Variants in LRRK1 observed in about 807,000 individuals in gnomAD.
LRRK1 encodes the protein leucine rich repeat kinase 1, also known as leucine-rich repeat serine/threonine-protein kinase 1.
In LRRK1, 113 loss-of-function variants were observed where a neutral mutation model predicts 209.1. That is an observed-to-expected ratio of 0.54 (90% confidence interval 0.46 to 0.63). The LOEUF is 0.63. Ranked by LOEUF, LRRK1 falls within the 30% of genes least tolerant of loss-of-function variation. The pLI is 0.00. For synonymous variants in LRRK1, 1,144 were observed against 1,099.7 expected (o/e 1.04, Z -0.80); for missense variants, 2,284 against 2,632.2 (o/e 0.87, Z 2.89).
rs191262405 is a variant in LRRK1, at chr15:100,942,114, A to G, written c.97+17385A>G. On this transcript the variant is annotated intron_variant, in intron 2 of 33. Coordinates refer to ENST00000388948, the MANE Select transcript of LRRK1 (RefSeq NM_024652.6). ...TGGTGGCTGCAGCCGGGCTCAGCCTACTGTCTTGATCTCATCTTCCAGCGT... is the reference window on the plus strand; with the variant it reads ...TGGTGGCTGCAGCCGGGCTCAGCCTGCTGTCTTGATCTCATCTTCCAGCGT... Among the ~76,000 whole-genome samples the G allele has an allele frequency of 1.1e-3, 167 of 152,328 alleles. 3 individuals carry two copies. Among genetic ancestry groups the G allele is most frequent in the African/African-American group, 3.9e-3 (164 of 41,580 alleles).
chr15:101,010,433 C>T lies in LRRK1; in HGVS notation c.990-17C>T. On this transcript the variant is annotated splice_polypyrimidine_tract_variant and intron_variant, in intron 7 of 33. Coordinates refer to ENST00000388948, the MANE Select transcript of LRRK1 (RefSeq NM_024652.6). ...CCTCTTTATTCTGATGCCTGCCTTC[C>T]TTCTTCTCCATCGCAGGCTACTTGA... 5 of 1,600,276 alleles carry T rather than the reference C, an allele frequency of 3.1e-6. No individual in the cohort carries two copies. Among genetic ancestry groups the T allele is most frequent in the Non-Finnish European group, 4.3e-6 (5 of 1,175,822 alleles).
chr15:101,069,645 A>G lies in LRRK1; in HGVS notation c.*797A>G, dbSNP rs1596368885. On this transcript the variant is annotated 3_prime_UTR_variant, in exon 34 of 34. Transcript: ENST00000388948. ...GTCAAGTAAATTTGGACGCAGCTGG[A>G]GCACAGGCCCTGTTTGTTTGCACAT... The G allele has an allele frequency of 6.5e-6, 1 of 152,672 alleles. No homozygotes were observed. Among genetic ancestry groups the G allele is most frequent in the Non-Finnish European group, 1.5e-5 (1 of 68,046 alleles). 9.5% of individuals were successfully genotyped at this position (152,672 alleles called of 1,614,324 possible).
chr15:100,980,799 C>T (rs1438392544), intron 3 of LRRK1, among the ~76,000 whole-genome samples: 1 of 152,156 alleles, frequency 6.6e-6, no homozygotes, highest in Non-Finnish European at 1.5e-5. Flanking sequence ...TGGCTACACA[C>T]CATAGGGCAG....
intron 3 of LRRK1, among the ~76,000 whole-genome samples, chr15:100,977,441 G>C (rs1159840483): frequency 6.6e-6 from 1 of 152,190 alleles, no homozygotes; most frequent in Non-Finnish European, 1.5e-5. Context: ...GCTGTGAGGA[G>C]CTGGGGTGCT....
At chr15:100,984,002 T>A (rs764467682) in intron 4 of LRRK1, among the ~76,000 whole-genome samples, 2 of 152,098 alleles carry the variant, frequency 1.3e-5, no homozygotes, top group Non-Finnish European at 2.9e-5. Flanking sequence ...ATGGAAAAAA[T>A]CAATTGGAAT....
intron 20 of LRRK1, among the ~76,000 whole-genome samples, chr15:101,030,888 G>A (rs2034250843): frequency 6.6e-6 from 1 of 152,078 alleles, no homozygotes; most frequent in African/African-American, 2.4e-5. Flanking sequence ...CCCTATTTGT[G>A]TCTTTTATCC....
In LRRK1 at chr15:101,075,117, G is replaced by A. The variant is rs1396827644; in HGVS notation, c.*6269G>A. The A allele has an allele frequency of 7.3e-5, 5 of 68,128 alleles. 2 individuals carry two copies. The highest frequency in any genetic ancestry group is 9.2e-4 in the South Asian group (2 of 2,168). The allele number at this position is 68,128 out of a possible 1,614,324, so 4.2% of individuals were successfully genotyped here. A position where few individuals can be genotyped will look rare whatever the true frequency, so the allele number is the denominator to read the frequency against. ...AACCCGTCCCCTTCTTAATCAATACGGAGGCTACCCACTCCACATTACCTT... is the reference window on the plus strand; with the variant it reads ...AACCCGTCCCCTTCTTAATCAATACAGAGGCTACCCACTCCACATTACCTT... On this transcript the variant is annotated 3_prime_UTR_variant, in exon 34 of 34. Coordinates refer to ENST00000388948, the MANE Select transcript of LRRK1 (RefSeq NM_024652.6).
At position 101,056,838 on chromosome 15, in the gene LRRK1, G is replaced by C. The variant is rs370959551; in HGVS notation, c.4333-18G>C. The stretch of plus-strand genomic sequence containing the variant: ...CTGGGCCCAGGCAGCGACCTGACTT[G>C]GCTTGTTCTGTGCCCAGGTAGATAT... On this transcript the variant is annotated intron_variant, in intron 27 of 33. Transcript: ENST00000388948. 27 of 1,573,470 alleles carry C rather than the reference G, an allele frequency of 1.7e-5. No homozygotes were observed. Among genetic ancestry groups the C allele is most frequent in the Non-Finnish European group, 2.3e-5 (27 of 1,157,584 alleles).
intron 2 of LRRK1, among the ~76,000 whole-genome samples, chr15:100,963,423 T>G (rs1340452644): frequency 1.3e-5 from 2 of 152,234 alleles, no homozygotes; most frequent in Non-Finnish European, 2.9e-5. Flanking sequence ...GTCACTGTCT[T>G]GGCCTTGTTC....
chr15:101,027,557 CAG>C lies in LRRK1; in HGVS notation c.2527-80_2527-79del, dbSNP rs2034092303. ...GGAAACGTCCCACCCCCTCAGGCCA[CAG>C]GGGCCGGGCAGGATCTGCCCAAGCT... On this transcript the variant is annotated intron_variant, in intron 18 of 33. Coordinates refer to ENST00000388948, the MANE Select transcript of LRRK1 (RefSeq NM_024652.6). The surrounding 1 kb of genome is among the most constrained non-coding windows in gnomAD (Gnocchi z 5.1). The C allele has an allele frequency of 1.3e-6, 2 of 1,556,640 alleles. No homozygotes were observed. Among genetic ancestry groups the C allele is most frequent in the African/African-American group, 2.7e-5 (2 of 73,774 alleles).
At chr15:101,067,247 C>G (rs1253063001) in intron 33 of LRRK1, 3 of 456,126 alleles carry the variant, frequency 6.6e-6, no homozygotes, top group African/African-American at 2.0e-5. Flanking sequence ...CAGGATTATG[C>G]CAGTCTCCTC....
intron 2 of LRRK1, among the ~76,000 whole-genome samples, chr15:100,929,800 C>T (rs1157421025): frequency 6.6e-6 from 1 of 152,228 alleles, no homozygotes; most frequent in African/African-American, 2.4e-5. Flanking sequence ...AGGAGTTCAC[C>T]AGCCCCTCCA....
At chr15:101,067,430 T>C in intron 33 of LRRK1, 1 of 107,736 alleles carries the variant, frequency 9.3e-6, no homozygotes, top group African/African-American at 6.9e-5. Flanking sequence ...AATGTGTGTG[T>C]GTGTGTGTGT....
chr15:101,037,072 T>C (rs1050184497), intron 20 of LRRK1, among the ~76,000 whole-genome samples: 4 of 152,162 alleles, frequency 2.6e-5, no homozygotes, highest in African/African-American at 9.7e-5. Context: ...GACAGGCCTA[T>C]TCTTGGGCTT....
chr15:101,062,615 C>A lies in LRRK1; in HGVS notation c.4839C>A (p.Pro1613=), dbSNP rs201344125. 3.7e-6 allele frequency: 6 copies of A among 1,614,196 alleles called. No individual in the cohort carries two copies. Among genetic ancestry groups the A allele is most frequent in the Non-Finnish European group, 4.2e-6 (5 of 1,180,014 alleles). The change falls in exon 31 of 34, where the codon CCC becomes CCA. Residue 1613 remains proline, a synonymous_variant. Transcript: ENST00000388948. ...IYIYTLKGMC[P]LNTPQQALDT... ...TCTACACCCTCAAGGGCATGTGCCC[C>A]TTAAACACACCCCAACAGGCCTTGG... is the stretch of plus-strand genomic sequence containing the variant.
chr15:101,002,004 GGA>G (rs1470469306), intron 6 of LRRK1, among the ~76,000 whole-genome samples: 1 of 152,178 alleles, frequency 6.6e-6, no homozygotes, highest in African/African-American at 2.4e-5. Flanking sequence ...ACAGGGGCCA[GGA>G]ATCGTTTTCG....
At chr15:101,048,357 G>C in intron 21 of LRRK1, 137 bp from the exon 22 acceptor site, 1 of 646,994 alleles carries the variant, frequency 1.5e-6, no homozygotes, top group Non-Finnish European at 2.6e-6. Flanking sequence ...CAGCAGGGAT[G>C]AGCAGCGTGG....
intron 2 of LRRK1, among the ~76,000 whole-genome samples, chr15:100,926,680 C>CTTTTTTTTTTTTTTTTTTTTTTTTT (rs71151990): frequency 1.2e-4 from 10 of 81,846 alleles, no homozygotes; most frequent in African/African-American, 1.6e-4. Context: ...TTCTTTTTTT[C>CTTTTTTTTTTTTTTTTTTTTTTTTT]TTTTTTTTTT....
chr15:101,000,360 C>G (rs1452419523), intron 6 of LRRK1, among the ~76,000 whole-genome samples: 2 of 152,292 alleles, frequency 1.3e-5, no homozygotes, highest in Admixed American at 1.3e-4. Flanking sequence ...TCTGTGTGAT[C>G]ATGACCATAA....
Sources: gnomAD v4.1 joint callset for allele counts (sites outside exome capture counted in the v4.1 genomes callset) on GRCh38, gnomAD v4.1.1 for gene constraint, Gnocchi (gnomAD v3.1) non-coding constraint, MANE v1.5 for transcripts, NCBI Gene and HGNC (gene_info 2026-07-23, HGNC 2026-07-21) for gene names.